Variants in MPZL1 observed in about 807,000 individuals in gnomAD.
The protein encoded by MPZL1 is myelin protein zero-like protein 1.
Under a neutral mutation model 29.3 loss-of-function variants are expected in MPZL1, and 16 were observed. That is an observed-to-expected ratio of 0.55 (90% confidence interval 0.37 to 0.83). MPZL1 has a LOEUF of 0.83. Ranked by LOEUF, MPZL1 falls within the 40% of genes least tolerant of loss-of-function variation. The pLI, the probability that MPZL1 is intolerant of heterozygous loss-of-function variation, is 0.00. For synonymous variants in MPZL1, 143 were observed against 132.0 expected (o/e 1.08, Z -0.57); for missense variants, 279 against 332.9 (o/e 0.84, Z 1.26).
At chr1:167,776,306 A>T in intron 5 of MPZL1, 140 bp downstream of exon 5, 1 of 524,482 alleles carries the variant, frequency 1.9e-6, no homozygotes, top group East Asian at 3.4e-5. Context: ...AGAGAGTGGG[A>T]GTGAGGAATT....
intron 5 of MPZL1, among the ~76,000 whole-genome samples, chr1:167,781,128 A>G (rs1661487470): frequency 6.6e-6 from 1 of 152,182 alleles, no homozygotes; most frequent in African/African-American, 2.4e-5. Flanking sequence ...GAGAATTGAA[A>G]GGAGAAATTG....
At chr1:167,773,464 A>G in intron 4 of MPZL1, 96 bp downstream of exon 4, 6 of 1,373,734 alleles carry the variant, frequency 4.4e-6, no homozygotes, top group Non-Finnish European at 5.9e-6. Flanking sequence ...TTAAAGAATT[A>G]ACTACTATTT....
In MPZL1 at chr1:167,765,716, C is replaced by T; in HGVS notation, c.225C>T (p.Ser75=). ...TTGGLTSVSW[S]FQPEGADTTV... ...GCGGGTTGACCTCAGTCTCCTGGAG[C>T]TTCCAGCCAGAGGGGGCCGACACTA... Residue 75 remains serine (S), a synonymous_variant, in exon 2 of 6, where the codon AGC becomes AGT. Transcript: ENST00000359523. The T allele has an allele frequency of 1.2e-6, 2 of 1,611,420 alleles. No homozygotes were observed. Among genetic ancestry groups the T allele is most frequent in the Non-Finnish European group, 1.7e-6 (2 of 1,178,772 alleles).
At chr1:167,755,157 T>C (rs1660841035) in intron 1 of MPZL1, among the ~76,000 whole-genome samples, 1 of 152,212 alleles carries the variant, frequency 6.6e-6, no homozygotes, top group Non-Finnish European at 1.5e-5. Context: ...TTTTCAGTAG[T>C]TTCAGTAGGC....
chr1:167,740,459 C>T (rs1471936661), intron 1 of MPZL1, among the ~76,000 whole-genome samples: 1 of 151,982 alleles, frequency 6.6e-6, no homozygotes, highest in Non-Finnish European at 1.5e-5. Flanking sequence ...ACTTCTCAGT[C>T]CCTCCTCTCT....
Position 167,765,641 on chromosome 1 carries a change from T to C in MPZL1, c.150T>C (p.Asn50=). ...VYTPKEIFVA[N]GTQGKLTCKF... ...CGCCAAAAGAAATCTTCGTGGCAAA[T>C]GGTACACAAGGGAAGCTGACCTGCA... Residue 50 remains asparagine, a synonymous_variant, in exon 2 of 6, where the codon AAT becomes AAC. Coordinates refer to ENST00000359523, the MANE Select transcript of MPZL1 (RefSeq NM_003953.6). 6.2e-7 allele frequency: 1 copy of C among 1,613,228 alleles called. No individual in the cohort carries two copies. The highest frequency in any genetic ancestry group is 8.5e-7 in the Non-Finnish European group (1 of 1,179,562).
At chr1:167,760,507 T>C (rs1367477445) in intron 1 of MPZL1, among the ~76,000 whole-genome samples, 1 of 152,036 alleles carries the variant, frequency 6.6e-6, no homozygotes, top group African/African-American at 2.4e-5. Context: ...CCGGCCCCTC[T>C]AGATAGGTTT....
intron 2 of MPZL1, among the ~76,000 whole-genome samples, chr1:167,767,396 A>C (rs1406773665): frequency 6.6e-6 from 1 of 152,254 alleles, no homozygotes; most frequent in African/African-American, 2.4e-5. Context: ...CCCAGAGGTA[A>C]TAACTTTCTT....
chr1:167,769,120 A>G (rs1013573925), intron 2 of MPZL1, among the ~76,000 whole-genome samples: 2 of 152,296 alleles, frequency 1.3e-5, no homozygotes, highest in African/African-American at 2.4e-5. Context: ...CACATTCCCT[A>G]TTTATGAAAT....
At position 167,728,652 on chromosome 1, in the gene MPZL1, T is replaced by G. The variant is rs77377598; in HGVS notation, c.91+6410T>G. 2.3e-3 allele frequency among the ~76,000 whole-genome samples: 341 copies of G among 146,998 alleles called. 3 individuals carry two copies. The highest frequency in any genetic ancestry group is 8.1e-3 in the African/African-American group (327 of 40,332). On this transcript the variant is annotated intron_variant, in intron 1 of 5. Transcript: ENST00000359523. ...GGTTTCTTCTTCTAAACTCAGAGTC[T>G]CTAGAAACTGTGATACCTTATGATA...
At chr1:167,768,785 G>C (rs2101786000) in intron 2 of MPZL1, among the ~76,000 whole-genome samples, 1 of 152,298 alleles carries the variant, frequency 6.6e-6, no homozygotes, top group Non-Finnish European at 1.5e-5. Flanking sequence ...CTGACTGAGG[G>C]AGCTGTCTCA....
intron 5 of MPZL1, among the ~76,000 whole-genome samples, chr1:167,778,485 C>G (rs999505423): frequency 6.6e-6 from 1 of 151,702 alleles, no homozygotes; most frequent in Admixed American, 6.6e-5. Flanking sequence ...TAGTGAGACC[C>G]TATCTCAAAT....
intron 1 of MPZL1, among the ~76,000 whole-genome samples, chr1:167,759,890 G>T (rs1374971688): frequency 6.6e-6 from 1 of 152,200 alleles, no homozygotes; most frequent in Non-Finnish European, 1.5e-5. Context: ...AGGCAATGAG[G>T]TCCGAGAGGT....
intron 1 of MPZL1, among the ~76,000 whole-genome samples, chr1:167,738,218 C>T (rs1436845705): frequency 6.6e-6 from 1 of 152,022 alleles, no homozygotes; most frequent in Non-Finnish European, 1.5e-5. Flanking sequence ...GCCACCGCGC[C>T]TGGCCAAGAT....
Position 167,788,895 on chromosome 1 carries a change from T to G in MPZL1, c.*974T>G, listed in dbSNP as rs1465024556. ...CTTCTTTCGCTTTTTTTTTTTTTTT[T>G]GAGGTAGAGTCTCACTATGTTGCCC... On this transcript the variant is annotated 3_prime_UTR_variant, in exon 6 of 6. Transcript: ENST00000359523. The G allele has an allele frequency of 2.8e-4, 36 of 129,732 alleles. No homozygotes were observed. Among genetic ancestry groups the G allele is most frequent in the Non-Finnish European group, 5.1e-4 (31 of 61,366 alleles). 8.0% of individuals were successfully genotyped at this position (129,732 alleles called of 1,614,324 possible). A position where few individuals can be genotyped will look rare whatever the true frequency, so the allele number is the denominator to read the frequency against.
chr1:167,784,125 A>G (rs776214709), intron 5 of MPZL1, among the ~76,000 whole-genome samples: 3 of 152,102 alleles, frequency 2.0e-5, no homozygotes, highest in Non-Finnish European at 4.4e-5. Context: ...TTCTCCCCCA[A>G]CCTTCACCAG....
At chr1:167,726,463 G>A (rs1396277985) in intron 1 of MPZL1, among the ~76,000 whole-genome samples, 1 of 152,164 alleles carries the variant, frequency 6.6e-6, no homozygotes, top group African/African-American at 2.4e-5. Flanking sequence ...TATGGTAGAT[G>A]CTAAAAATAT....
intron 1 of MPZL1, among the ~76,000 whole-genome samples, chr1:167,754,147 G>A (rs563695537): frequency 1.3e-5 from 2 of 151,826 alleles, no homozygotes; most frequent in Admixed American, 6.6e-5. Flanking sequence ...ACAGGTGTGC[G>A]CCATGAGGCT....
intron 3 of MPZL1, among the ~76,000 whole-genome samples, chr1:167,772,813 A>G (rs1304917812): frequency 6.6e-6 from 1 of 152,234 alleles, no homozygotes; most frequent in East Asian, 1.9e-4. Flanking sequence ...GGCAGTGGGA[A>G]AGAAGGAGAT....
Sources: allele counts gnomAD v4.1 joint callset (sites outside exome capture counted in the v4.1 genomes callset), GRCh38; gene constraint gnomAD v4.1.1; transcripts MANE v1.5; gene names NCBI Gene and HGNC (gene_info 2026-07-23, HGNC 2026-07-21).